The following FMR1NB variants were observed in gnomAD, a reference collection of about 807,000 sequenced individuals.
FMR1NB encodes FMR1 neighbor.
FMR1NB carries 10 observed loss-of-function variants against 16.8 expected under a neutral mutation model. The observed-to-expected ratio is 0.60, with a 90% confidence interval of 0.37 to 1.01. The LOEUF (loss-of-function observed/expected upper bound fraction) is 1.01. Ranked by LOEUF, FMR1NB falls within the 50% of genes least tolerant of loss-of-function variation. The probability of loss-of-function intolerance (pLI) is 0.01; values close to 1 mark genes in which losing one functional copy is unlikely to be tolerated. For missense variants in FMR1NB, 205 were observed against 204.8 expected (o/e 1.00, Z 0.00); for synonymous variants, 83 against 79.1 (o/e 1.05, Z -0.26).
At chrX:148,018,004 G>C (rs1179204649) in intron 4 of FMR1NB, among the ~76,000 whole-genome samples, 2 of 106,205 alleles carry the variant, frequency 1.9e-5, no homozygotes, top group Non-Finnish European at 3.9e-5. Flanking sequence ...AAACATACGT[G>C]TGCATGTGTC....
At chrX:148,007,846 T>C (rs1366734866) in intron 3 of FMR1NB, among the ~76,000 whole-genome samples, 2 of 111,958 alleles carry the variant, frequency 1.8e-5, no homozygotes, top group Non-Finnish European at 3.8e-5. Context: ...TACTGGAAAC[T>C]AAAACCTGAT....
At chrX:147,998,054 C>G (rs782227781) in intron 1 of FMR1NB, among the ~76,000 whole-genome samples, 1 of 112,328 alleles carries the variant, frequency 8.9e-6, no homozygotes, top group East Asian at 2.8e-4. Flanking sequence ...GGCAATTCCT[C>G]AAGTATCTAG....
chrX:148,013,507 T>C (rs1557189827), intron 4 of FMR1NB, among the ~76,000 whole-genome samples: 1 of 112,215 alleles, frequency 8.9e-6, no homozygotes, highest in Admixed American at 9.5e-5. Flanking sequence ...GTTAGAAATA[T>C]ATAGTAGGAA....
At chrX:147,988,338 C>CT (rs374018490) in intron 1 of FMR1NB, among the ~76,000 whole-genome samples, 1 of 111,416 alleles carries the variant, frequency 9.0e-6, no homozygotes, top group African/African-American at 3.3e-5. Flanking sequence ...ATATTGGCCC[C>CT]ACTCTATTCT....
At chrX:147,997,924 GA>G (rs2044550686) in intron 1 of FMR1NB, among the ~76,000 whole-genome samples, 1 of 112,606 alleles carries the variant, frequency 8.9e-6, no homozygotes. Flanking sequence ...TCGCCTGTTA[GA>G]ATGGCAATCA....
intron 4 of FMR1NB, among the ~76,000 whole-genome samples, chrX:148,010,892 G>A (rs6626298): frequency 0.24 from 25,945 of 109,792 alleles, 2,383 homozygotes; most frequent in East Asian, 0.51. Context: ...CTTGGCCTTC[G>A]GTTGCAAGCC....
chrX:147,995,972 A>T (rs782152928), intron 1 of FMR1NB, among the ~76,000 whole-genome samples: 1 of 112,090 alleles, frequency 8.9e-6, no homozygotes, highest in African/African-American at 3.2e-5. Flanking sequence ...CAGTTATCTT[A>T]TCGAAAAAAT....
intron 1 of FMR1NB, among the ~76,000 whole-genome samples, chrX:147,984,254 GC>G (rs1557186896): frequency 9.0e-5 from 10 of 111,444 alleles, no homozygotes; most frequent in Non-Finnish European, 1.9e-4. Context: ...TCTGCCCCAA[GC>G]CCATTGGAAT....
At chrX:147,996,854 C>A (rs1297614293) in intron 1 of FMR1NB, among the ~76,000 whole-genome samples, 4 of 111,616 alleles carry the variant, frequency 3.6e-5, no homozygotes, top group Non-Finnish European at 7.5e-5. Flanking sequence ...TTCTTTGTGA[C>A]AAGGAAACAT....
intron 3 of FMR1NB, chrX:148,008,337 T>G (rs1055710663): frequency 1.2e-5 from 3 of 259,442 alleles, no homozygotes; most frequent in Non-Finnish European, 2.0e-5. Flanking sequence ...AGAAATATCG[T>G]ATGCATCATA....
At chrX:147,995,410 G>A (rs2044536992) in intron 1 of FMR1NB, among the ~76,000 whole-genome samples, 1 of 112,056 alleles carries the variant, frequency 8.9e-6, no homozygotes, top group South Asian at 3.7e-4. Flanking sequence ...AGGAATTGAA[G>A]TTGAGTGACC....
intron 1 of FMR1NB, among the ~76,000 whole-genome samples, chrX:147,993,219 G>A (rs372880850): frequency 2.7e-5 from 3 of 113,097 alleles, no homozygotes; most frequent in Middle Eastern, 4.6e-3. Flanking sequence ...GCTGGAGACC[G>A]GCCCGGCCAA....
intron 4 of FMR1NB, among the ~76,000 whole-genome samples, chrX:148,013,253 T>C (rs2044633878): frequency 8.9e-6 from 1 of 112,109 alleles, no homozygotes. Flanking sequence ...GTAGGTACTA[T>C]TAAAAAGAAC....
chrX:147,989,874 C>T (rs5904828), intron 1 of FMR1NB, among the ~76,000 whole-genome samples: 15,951 of 109,857 alleles, frequency 0.15, 1,623 homozygotes, highest in African/African-American at 0.37. Flanking sequence ...TGTCCCAGGT[C>T]GACTTCAGAC....
chrX:148,020,352 G>A (rs868950034), intron 4 of FMR1NB, among the ~76,000 whole-genome samples: 14 of 112,035 alleles, frequency 1.2e-4, no homozygotes, highest in African/African-American at 4.2e-4. Flanking sequence ...GCCAAGGCCC[G>A]GGATTGGGTA....
chrX:147,986,110 A>T (rs2124610364), intron 1 of FMR1NB, among the ~76,000 whole-genome samples: 1 of 112,137 alleles, frequency 8.9e-6, no homozygotes, highest in South Asian at 3.7e-4. Context: ...GGCCTCATAA[A>T]TGGCTTCTTT....
At chrX:148,018,409 C>G (rs1334612447) in intron 4 of FMR1NB, among the ~76,000 whole-genome samples, 1 of 111,864 alleles carries the variant, frequency 8.9e-6, no homozygotes, top group Admixed American at 9.5e-5. Context: ...CATCACACTA[C>G]CTGACTTCAA....
In FMR1NB at chrX:148,006,680, C is replaced by T. The variant is rs200501994; in HGVS notation, c.398-22C>T. The T allele has an allele frequency of 1.5e-3, 1,749 of 1,184,154 alleles. 1 individual carries two copies. The highest frequency in any genetic ancestry group is 6.8e-3 in the South Asian group (353 of 51,896). ...TAACTAACCATGCTGAATTCTCTTT[C>T]TTAAATTTCTGTTTTTAAAAGCTTG... is the stretch of plus-strand genomic sequence containing the variant. On this transcript the variant is annotated intron_variant, in intron 2 of 5. Coordinates refer to ENST00000370467, the MANE Select transcript of FMR1NB (RefSeq NM_152578.3).
At chrX:148,020,390 C>T (rs2044672572) in intron 4 of FMR1NB, among the ~76,000 whole-genome samples, 1 of 112,062 alleles carries the variant, frequency 8.9e-6, no homozygotes, top group Admixed American at 9.4e-5. Context: ...GTGCTCTACT[C>T]CCCTGTGACT....
Sources: allele counts gnomAD v4.1 joint callset (sites outside exome capture counted in the v4.1 genomes callset), GRCh38; gene constraint gnomAD v4.1.1; transcripts MANE v1.5; gene names NCBI Gene and HGNC (gene_info 2026-07-23, HGNC 2026-07-21).